Variants in BLTP3A observed in about 807,000 individuals in gnomAD.
The protein encoded by BLTP3A is ICBP90 binding protein 1.
chr6:34,855,485 TG>T, the BLTP3A span: 2 of 974,818 alleles, frequency 2.1e-6, no homozygotes, highest in South Asian at 1.6e-5. Flanking sequence ...CCTCACATCC[TG>T]GCCTTTTGGC....
At chr6:34,832,730 G>A in the BLTP3A span, among the ~76,000 whole-genome samples, 4 of 152,144 alleles carry the variant, frequency 2.6e-5, no homozygotes, top group Non-Finnish European at 4.4e-5. Flanking sequence ...GATTACAGGT[G>A]TGAGTCACTG....
chr6:34,872,634 T>C, the BLTP3A span: 1 of 575,420 alleles, frequency 1.7e-6, no homozygotes, highest in Middle Eastern at 5.0e-4. Flanking sequence ...CAAAGCATGA[T>C]TGTATCCCAG....
chr6:34,795,757 C>T, the BLTP3A span, among the ~76,000 whole-genome samples: 4 of 152,052 alleles, frequency 2.6e-5, no homozygotes, highest in Admixed American at 6.6e-5. Flanking sequence ...CATTCCTTGG[C>T]GAACACAGTG....
At chr6:34,871,595 C>A in the BLTP3A span, 1 of 1,612,876 alleles carries the variant, frequency 6.2e-7, no homozygotes, top group Non-Finnish European at 8.5e-7. Flanking sequence ...ATGATATCCC[C>A]CCCATCTATC....
chr6:34,793,880 T>C, the BLTP3A span, among the ~76,000 whole-genome samples: 1 of 151,548 alleles, frequency 6.6e-6, no homozygotes, highest in Non-Finnish European at 1.5e-5. Flanking sequence ...TCTGATTTAC[T>C]TTCTCTAAAA....
the BLTP3A span, among the ~76,000 whole-genome samples, chr6:34,816,248 C>T: frequency 2.6e-4 from 39 of 152,098 alleles, no homozygotes; most frequent in Non-Finnish European, 5.3e-4. Flanking sequence ...TTTATTTTAT[C>T]TGAAGTATGT....
the BLTP3A span, among the ~76,000 whole-genome samples, chr6:34,868,048 T>G: frequency 6.6e-6 from 1 of 152,234 alleles, no homozygotes; most frequent in African/African-American, 2.4e-5. Context: ...GGCTCATGCC[T>G]GTAATCCCAG....
At chr6:34,837,792 C>G in the BLTP3A span, among the ~76,000 whole-genome samples, 1 of 152,294 alleles carries the variant, frequency 6.6e-6, no homozygotes. Flanking sequence ...AAATAATTTG[C>G]CACTCACTCA....
the BLTP3A span, among the ~76,000 whole-genome samples, chr6:34,831,474 A>AT: frequency 1.3e-5 from 2 of 152,108 alleles, no homozygotes; most frequent in African/African-American, 4.8e-5. Flanking sequence ...ATTAATTCTG[A>AT]TGTAGTCCAG....
the BLTP3A span, chr6:34,856,819 C>CTCA: frequency 6.2e-7 from 1 of 1,614,148 alleles, no homozygotes; most frequent in South Asian, 1.1e-5. Flanking sequence ...AAAGAACCCT[C>CTCA]TTGAGAGAAG....
the BLTP3A span, among the ~76,000 whole-genome samples, chr6:34,865,813 GTTA>G: frequency 7.2e-5 from 11 of 152,114 alleles, no homozygotes; most frequent in East Asian, 5.8e-4. Flanking sequence ...TGTTTGTTTT[GTTA>G]TTATTTTTAA....
At chr6:34,817,867 TTGG>T in the BLTP3A span, among the ~76,000 whole-genome samples, 20,618 of 148,688 alleles carry the variant, frequency 0.14, 1,596 homozygotes, top group African/African-American at 0.23. Flanking sequence ...TTTTTTTTTT[TTGG>T]GGGGGTGGAG....
chr6:34,820,122 C>T, the BLTP3A span, among the ~76,000 whole-genome samples: 1 of 151,974 alleles, frequency 6.6e-6, no homozygotes, highest in Non-Finnish European at 1.5e-5. Context: ...GTTTCACATT[C>T]TTAACTTCAT....
At chr6:34,857,720 C>T in the BLTP3A span, 2 of 1,611,282 alleles carry the variant, frequency 1.2e-6, no homozygotes, top group Non-Finnish European at 1.7e-6. Flanking sequence ...CCTCTGCTTT[C>T]CAGTTCCTTG....
chr6:34,812,071 G>A, the BLTP3A span, among the ~76,000 whole-genome samples: 5 of 151,960 alleles, frequency 3.3e-5, no homozygotes, highest in Admixed American at 3.3e-4. Flanking sequence ...GCTCATGCCT[G>A]TAATTCCAGC....
chr6:34,857,930 T>A, the BLTP3A span: 1 of 1,607,008 alleles, frequency 6.2e-7, no homozygotes, highest in East Asian at 2.2e-5. Flanking sequence ...GAGGGGAGAG[T>A]GTGACTTTTA....
At chr6:34,811,812 G>A in the BLTP3A span, among the ~76,000 whole-genome samples, 5 of 151,824 alleles carry the variant, frequency 3.3e-5, no homozygotes, top group African/African-American at 4.8e-5. Context: ...AGCCGAGATC[G>A]TGCCACTGTA....
At chr6:34,834,352 C>T in the BLTP3A span, 1 of 1,614,024 alleles carries the variant, frequency 6.2e-7, no homozygotes, top group Non-Finnish European at 8.5e-7. Context: ...TCAACCCCAA[C>T]TGGCAGCAGA....
chr6:34,866,409 A>C, the BLTP3A span, among the ~76,000 whole-genome samples: 1 of 152,176 alleles, frequency 6.6e-6, no homozygotes, highest in African/African-American at 2.4e-5. Context: ...ATCTCAAAAA[A>C]AAGAAAAAAA....
Sources: allele counts gnomAD v4.1 joint callset (sites outside exome capture counted in the v4.1 genomes callset), GRCh38; gene constraint gnomAD v4.1.1; transcripts MANE v1.5; gene names NCBI Gene and HGNC (gene_info 2026-07-23, HGNC 2026-07-21).